HIBADH: variants seen among roughly 807,000 people sequenced by gnomAD.
The protein encoded by HIBADH is 3-hydroxyisobutyrate dehydrogenase, also known as 3-hydroxyisobutyrate dehydrogenase, mitochondrial.
Under a neutral mutation model 36.1 loss-of-function variants are expected in HIBADH, and 25 were observed. That is an observed-to-expected ratio of 0.69 (90% CI 0.50 to 0.97). The LOEUF is 0.97. Ranked by LOEUF, HIBADH falls within the 50% of genes least tolerant of loss-of-function variation. HIBADH has a pLI of 0.00. For missense variants in HIBADH, 421 were observed against 418.0 expected (o/e 1.01, Z -0.06); for synonymous variants, 160 against 149.5 (o/e 1.07, Z -0.51).
intron 6 of HIBADH, among the ~76,000 whole-genome samples, chr7:27,531,701 C>T (rs1562611571): frequency 6.6e-6 from 1 of 152,052 alleles, no homozygotes; most frequent in Admixed American, 6.6e-5. Context: ...CACATAAGAA[C>T]CTTAAAACAA....
chr7:27,577,216 G>A (rs1318109471), intron 4 of HIBADH, among the ~76,000 whole-genome samples: 1 of 148,954 alleles, frequency 6.7e-6, no homozygotes, highest in African/African-American at 2.5e-5. Flanking sequence ...CAGGCTGAAG[G>A]GCAGTGGCAT....
intron 6 of HIBADH, among the ~76,000 whole-genome samples, chr7:27,534,152 T>A (rs537918044): frequency 1.1e-4 from 16 of 152,190 alleles, no homozygotes; most frequent in Non-Finnish European, 2.1e-4. Flanking sequence ...GTAAAAATAA[T>A]GCATAAACTG....
chr7:27,597,966 A>C (rs1785058445), intron 4 of HIBADH, among the ~76,000 whole-genome samples: 1 of 152,200 alleles, frequency 6.6e-6, no homozygotes, highest in South Asian at 2.1e-4. Context: ...CTGCAGTGGG[A>C]ATCACCCAAG....
At chr7:27,574,778 C>G (rs1216809644) in intron 4 of HIBADH, among the ~76,000 whole-genome samples, 1 of 152,154 alleles carries the variant, frequency 6.6e-6, no homozygotes, top group Non-Finnish European at 1.5e-5. Flanking sequence ...CACAAGCAAT[C>G]TGGAGCTGTT....
intron 4 of HIBADH, among the ~76,000 whole-genome samples, chr7:27,606,186 T>G (rs540088636): frequency 6.6e-6 from 1 of 152,228 alleles, no homozygotes; most frequent in African/African-American, 2.4e-5. Context: ...GGGGGTAAGA[T>G]GGAGTAACCA....
At chr7:27,651,622 G>A (rs1001987357) in intron 1 of HIBADH, among the ~76,000 whole-genome samples, 4 of 152,166 alleles carry the variant, frequency 2.6e-5, no homozygotes, top group Non-Finnish European at 5.9e-5. Context: ...ATAATTTAAA[G>A]ACAGTTAATT....
At chr7:27,585,170 T>C (rs1562631437) in intron 4 of HIBADH, among the ~76,000 whole-genome samples, 1 of 151,196 alleles carries the variant, frequency 6.6e-6, no homozygotes, top group Non-Finnish European at 1.5e-5. Context: ...TATATATGTA[T>C]ATATGTGTGT....
chr7:27,536,446 TAA>T (rs943469606), intron 6 of HIBADH, among the ~76,000 whole-genome samples: 3 of 152,124 alleles, frequency 2.0e-5, no homozygotes, highest in Non-Finnish European at 4.4e-5. Flanking sequence ...ATGAAAGATT[TAA>T]AAGTTTCATA....
At chr7:27,561,211 T>A (rs768025721) in intron 4 of HIBADH, among the ~76,000 whole-genome samples, 1 of 152,128 alleles carries the variant, frequency 6.6e-6, no homozygotes, top group Non-Finnish European at 1.5e-5. Context: ...TTGGAAAAAA[T>A]TTAAGTTTTC....
intron 4 of HIBADH, among the ~76,000 whole-genome samples, chr7:27,574,603 C>CA (rs1303708229): frequency 6.6e-6 from 1 of 152,072 alleles, no homozygotes; most frequent in African/African-American, 2.4e-5. Flanking sequence ...TTTATTATTG[C>CA]TGCTCTAATA....
chr7:27,636,648 A>G (rs1007199591), intron 2 of HIBADH, among the ~76,000 whole-genome samples: 1 of 152,236 alleles, frequency 6.6e-6, no homozygotes, highest in African/African-American at 2.4e-5. Context: ...GAATCTAATT[A>G]AGCCTAGTTC....
intron 1 of HIBADH, among the ~76,000 whole-genome samples, chr7:27,653,736 C>CAA (rs879298493): frequency 8.6e-5 from 11 of 128,602 alleles, no homozygotes; most frequent in African/African-American, 3.1e-4. Flanking sequence ...GACTCTGTCT[C>CAA]AAAAAAAAAA....
At chr7:27,547,054 A>G (rs1470159401) in intron 4 of HIBADH, among the ~76,000 whole-genome samples, 1 of 152,170 alleles carries the variant, frequency 6.6e-6, no homozygotes, top group African/African-American at 2.4e-5. Flanking sequence ...TAGCCCTCTC[A>G]GTATAAAATC....
chr7:27,639,298 T>C (rs754408715), intron 2 of HIBADH, among the ~76,000 whole-genome samples: 12 of 152,150 alleles, frequency 7.9e-5, no homozygotes, highest in Non-Finnish European at 1.3e-4. Flanking sequence ...GCAACATGGA[T>C]AGAGCTGGAG....
rs1554300959 is a variant in HIBADH, at chr7:27,645,368, A to ATGTTTTTTTTTTTTTTTTTTTTT, written c.252+4104_252+4105insAAAAAAAAAAAAAAAAAAAAACA. On this transcript the variant is annotated intron_variant, in intron 2 of 7. Transcript: ENST00000265395. ...CTAGTGGGTGTGTCTCATGGTTTTG[A>ATGTTTTTTTTTTTTTTTTTTTTT]TTTTTTTTTTTTTTTTTTTTTTTTT... Among the ~76,000 whole-genome samples, 15 of 59,650 alleles carry ATGTTTTTTTTTTTTTTTTTTTTT rather than the reference A, an allele frequency of 2.5e-4. 3 individuals are homozygous for ATGTTTTTTTTTTTTTTTTTTTTT. Among genetic ancestry groups the ATGTTTTTTTTTTTTTTTTTTTTT allele is most frequent in the Admixed American group, 4.5e-4 (2 of 4,410 alleles). The allele number at this position is 59,650 out of a possible 152,430, so 39.1% of individuals were successfully genotyped here. A position where few individuals can be genotyped will look rare whatever the true frequency, so the allele number is the denominator to read the frequency against.
intron 4 of HIBADH, among the ~76,000 whole-genome samples, chr7:27,595,382 G>A (rs947554670): frequency 6.6e-6 from 1 of 152,118 alleles, no homozygotes; most frequent in African/African-American, 2.4e-5. Context: ...GCCAGGCATT[G>A]TGGTACGTGC....
chr7:27,537,188 A>ACCATCTT (rs1047736449), intron 6 of HIBADH, among the ~76,000 whole-genome samples: 3 of 152,238 alleles, frequency 2.0e-5, no homozygotes, highest in Non-Finnish European at 4.4e-5. Context: ...GACATGCTTT[A>ACCATCTT]CCATCTTATG....
chr7:27,607,713 C>T (rs1007143448), intron 4 of HIBADH, among the ~76,000 whole-genome samples: 1 of 150,850 alleles, frequency 6.6e-6, no homozygotes, highest in African/African-American at 2.4e-5. Flanking sequence ...AGCCTCCTTC[C>T]TCCAGCTGCT....
At chr7:27,602,290 G>GA (rs1785143341) in intron 4 of HIBADH, among the ~76,000 whole-genome samples, 1 of 152,020 alleles carries the variant, frequency 6.6e-6, no homozygotes, top group Non-Finnish European at 1.5e-5. Context: ...TAATTAATCA[G>GA]TTGACTTCTA....
Sources: gnomAD v4.1 joint callset for allele counts (sites outside exome capture counted in the v4.1 genomes callset) on GRCh38, gnomAD v4.1.1 for gene constraint, MANE v1.5 for transcripts, NCBI Gene and HGNC (gene_info 2026-07-23, HGNC 2026-07-21) for gene names.